Variants in TMEM260 observed in about 807,000 individuals in gnomAD.
The protein encoded by TMEM260 is protein O-mannosyl-transferase TMEM260.
A neutral mutation model predicts 88.9 loss-of-function variants in TMEM260; 82 were observed. The observed-to-expected ratio is 0.92, with a 90% confidence interval of 0.77 to 1.11. TMEM260 has a LOEUF of 1.11. Ranked by LOEUF, TMEM260 falls within the 50% of genes least tolerant of loss-of-function variation. The pLI is 0.00. For missense variants in TMEM260, 902 were observed against 853.4 expected (o/e 1.06, Z -0.71); for synonymous variants, 314 against 309.3 (o/e 1.02, Z -0.16).
At chr14:56,653,741 C>CAAAAAAAAAACAAACA (rs1555343551), downstream of TMEM260, among the ~76,000 whole-genome samples, 6 of 97,914 alleles carry the variant, frequency 6.1e-5, no homozygotes, top group African/African-American at 2.4e-4. Flanking sequence ...GTCTCCAAAA[C>CAAAAAAAAAACAAACA]AAAAAAAAAA....
chr14:56,580,541 G>A (rs1175832628), intron 1 of TMEM260, among the ~76,000 whole-genome samples: 1 of 152,194 alleles, frequency 6.6e-6, no homozygotes, highest in African/African-American at 2.4e-5. Flanking sequence ...GACAGTAGGA[G>A]GGAAATATGA....
intron 1 of TMEM260, among the ~76,000 whole-genome samples, chr14:56,580,575 G>A (rs528305095): frequency 6.6e-6 from 1 of 152,272 alleles, no homozygotes; most frequent in East Asian, 1.9e-4. Flanking sequence ...TAAGTAGTGG[G>A]TCCTTCCGAA....
At chr14:56,622,549 G>C (rs868417385) in intron 11 of TMEM260, among the ~76,000 whole-genome samples, 1 of 151,902 alleles carries the variant, frequency 6.6e-6, no homozygotes, top group Non-Finnish European at 1.5e-5. Context: ...TCTTAATGCT[G>C]TGACAAAAAT....
chr14:56,593,468 C>G (rs573157368), intron 3 of TMEM260, among the ~76,000 whole-genome samples: 59 of 152,018 alleles, frequency 3.9e-4, no homozygotes, highest in African/African-American at 1.4e-3. Context: ...GAAGATTTAT[C>G]TACTTCAAAC....
intron 3 of TMEM260, among the ~76,000 whole-genome samples, chr14:56,596,794 A>AAAAAATAT (rs59623466): frequency 2.1e-4 from 28 of 136,296 alleles, no homozygotes; most frequent in African/African-American, 6.1e-4. Flanking sequence ...TAAAAAAAAA[A>AAAAAATAT]ATATATATAT....
At chr14:56,661,031 C>T in the TMEM260 span, among the ~76,000 whole-genome samples, 10 of 152,194 alleles carry the variant, frequency 6.6e-5, no homozygotes, top group South Asian at 2.1e-4. Context: ...AAGCTGGAGG[C>T]GGGAGTGGGG....
intron 13 of TMEM260, 29 bp downstream of exon 13, chr14:56,633,200 T>C (rs760726239): frequency 3.2e-6 from 5 of 1,562,136 alleles, no homozygotes; most frequent in Non-Finnish European, 4.3e-6. Flanking sequence ...TTTTGATGCA[T>C]ATAAACATAG....
chr14:56,628,226 T>G (rs1295950651), intron 12 of TMEM260, among the ~76,000 whole-genome samples: 1 of 152,138 alleles, frequency 6.6e-6, no homozygotes, highest in African/African-American at 2.4e-5. Flanking sequence ...CATAAACAGG[T>G]TTGTGTGTGA....
the TMEM260 span, among the ~76,000 whole-genome samples, chr14:56,660,161 G>A: frequency 6.6e-6 from 1 of 152,196 alleles, no homozygotes; most frequent in Non-Finnish European, 1.5e-5. Flanking sequence ...TAGCAGATAA[G>A]CATTGTGTGT....
chr14:56,586,005 G>T, intron 3 of TMEM260, 93 bp downstream of exon 3: 1 of 1,332,758 alleles, frequency 7.5e-7, no homozygotes, highest in South Asian at 1.4e-5. Flanking sequence ...ATCTTTTGTT[G>T]CTTGGTTTCC....
intron 3 of TMEM260, among the ~76,000 whole-genome samples, chr14:56,595,615 G>T (rs927776341): frequency 1.3e-5 from 2 of 152,032 alleles, no homozygotes; most frequent in Non-Finnish European, 2.9e-5. Flanking sequence ...ACAGACCTGG[G>T]ACTACAGGCA....
chr14:56,629,265 TTTG>T (rs1375999569), intron 12 of TMEM260, among the ~76,000 whole-genome samples: 1 of 128,816 alleles, frequency 7.8e-6, no homozygotes, highest in Non-Finnish European at 1.6e-5. Context: ...AGTTTTTGTT[TTTG>T]TTGTTTTTTT....
In TMEM260 at chr14:56,636,407, T is replaced by A; in HGVS notation, c.1779-101T>A. On this transcript the variant is annotated intron_variant, in intron 14 of 15. Transcript: ENST00000261556. ...ATTGAAAATAATACAATAAAGGATT[T>A]TGTACATCCCTTATCAGTGGAGAAG... 3.4e-6 allele frequency: 3 copies of A among 870,422 alleles called. No homozygotes were observed. The South Asian group carries it at 4.5e-5, about 13-fold the overall frequency. 53.9% of individuals were successfully genotyped at this position (870,422 alleles called of 1,614,324 possible).
At chr14:56,601,985 T>G (rs1161614247) in intron 3 of TMEM260, among the ~76,000 whole-genome samples, 1 of 152,160 alleles carries the variant, frequency 6.6e-6, no homozygotes, top group Non-Finnish European at 1.5e-5. Context: ...GGAAGGAATA[T>G]TGTATCTTAT....
Position 56,634,866 on chromosome 14 carries a change from C to T in TMEM260, c.1725-33C>T, listed in dbSNP as rs369528967. ...TCAAAAAAAAAAAAAAAGTGGGTGA[C>T]AGAAAGATATTACTGTTTTCTTGTA... On this transcript the variant is annotated intron_variant, in intron 13 of 15. Coordinates refer to ENST00000261556, the MANE Select transcript of TMEM260 (RefSeq NM_017799.4). 4 of 1,570,590 alleles carry T rather than the reference C, an allele frequency of 2.5e-6. No individual in the cohort carries two copies. In the African/African-American group the frequency reaches 5.5e-5, roughly 22 times the overall value.
chr14:56,663,084 G>C, the TMEM260 span, among the ~76,000 whole-genome samples: 27 of 152,212 alleles, frequency 1.8e-4, 1 homozygote, highest in Admixed American at 1.4e-3. The surrounding 1 kb of genome is among the most constrained non-coding windows in gnomAD (Gnocchi z 4.1). Context: ...AGCCAAGATC[G>C]CGCTGTTGCC....
intron 12 of TMEM260, among the ~76,000 whole-genome samples, chr14:56,630,259 T>TTG (rs1888502461): frequency 6.6e-6 from 1 of 152,086 alleles, no homozygotes; most frequent in Non-Finnish European, 1.5e-5. Context: ...TTTGGAGTTT[T>TTG]CCAAATTTCT....
intron 15 of TMEM260, among the ~76,000 whole-genome samples, chr14:56,644,752 G>A (rs1360188260): frequency 2.6e-5 from 4 of 151,518 alleles, no homozygotes; most frequent in Non-Finnish European, 5.9e-5. Flanking sequence ...CAACTTACTC[G>A]ACAAAGGGCT....
intron 3 of TMEM260, among the ~76,000 whole-genome samples, chr14:56,588,104 G>A (rs990406676): frequency 2.0e-5 from 3 of 152,014 alleles, no homozygotes; most frequent in South Asian, 4.1e-4. Context: ...TTTAGGAGAC[G>A]TTTCACTACT....
Sources: allele counts gnomAD v4.1 joint callset (sites outside exome capture counted in the v4.1 genomes callset), GRCh38; gene constraint gnomAD v4.1.1; non-coding constraint Gnocchi (gnomAD v3.1); transcripts MANE v1.5; gene names NCBI Gene and HGNC (gene_info 2026-07-23, HGNC 2026-07-21).